The following CELF2 variants were observed in gnomAD, a reference collection of about 807,000 sequenced individuals.
The protein encoded by CELF2 is CUG triplet repeat RNA-binding protein 2.
CELF2 carries 8 observed loss-of-function variants against 62.6 expected under a neutral mutation model. The observed-to-expected ratio is 0.13, with a 90% CI of 0.07 to 0.23. The LOEUF is 0.23. Ranked by LOEUF, CELF2 falls within the 10% of genes least tolerant of loss-of-function variation. The probability of loss-of-function intolerance (pLI) is 1.00; values close to 1 mark genes in which losing one functional copy is unlikely to be tolerated. For missense variants in CELF2, 333 were observed against 671.0 expected (o/e 0.50, Z 5.56); for synonymous variants, 258 against 250.0 (o/e 1.03, Z -0.30).
In CELF2 at chr10:11,244,696, C is replaced by T. The variant is rs969702827; in HGVS notation, c.355-4457C>T. Among the ~76,000 whole-genome samples, 1 of 151,808 alleles carries T rather than the reference C, an allele frequency of 6.6e-6. No individual in the cohort carries two copies. Among genetic ancestry groups the T allele is most frequent in the Non-Finnish European group, 1.5e-5 (1 of 67,916 alleles). On this transcript the variant is annotated intron_variant, in intron 3 of 12. Coordinates refer to ENST00000633077, the MANE Select transcript of CELF2 (RefSeq NM_001326342.2). This position sits in a 1 kb window ranked among gnomAD's most constrained non-coding sequence, Gnocchi z 4.2. ...ACAGCATAAAAACAACAACAACTTC[C>T]GTTGCTTCCTCTGTTGGTTAGGATA... is the stretch of plus-strand genomic sequence containing the variant.
chr10:11,165,381 T>G lies in CELF2; in HGVS notation c.75-105T>G. On this transcript the variant is annotated intron_variant, in intron 1 of 12. Transcript: ENST00000633077. This position sits in a 1 kb window ranked among gnomAD's most constrained non-coding sequence, Gnocchi z 7.4. ...CTCATTAGGCACTTTGCCACTGCTC[T>G]TCTTCCTCCTCCTTCCGCCTCCCCG... 6.6e-7 allele frequency: 1 copy of G among 1,524,938 alleles called. No individual in the cohort carries two copies. Among genetic ancestry groups the G allele is most frequent in the Non-Finnish European group, 8.8e-7 (1 of 1,138,494 alleles). The allele number at this position is 1,524,938 out of a possible 1,614,324, so 94.5% of individuals were successfully genotyped here.
At chr10:10,591,294 TTAAAGGTGTAACAGTGTA>T in the CELF2 span, among the ~76,000 whole-genome samples, 2 of 152,302 alleles carry the variant, frequency 1.3e-5, no homozygotes, top group East Asian at 3.9e-4. Flanking sequence ...AATGGGATGG[TTAAAGGTGTAACAGTGTA>T]TCCACTCTAT....
chr10:10,622,412 C>G, the CELF2 span, among the ~76,000 whole-genome samples: 1 of 151,834 alleles, frequency 6.6e-6, no homozygotes, highest in Non-Finnish European at 1.5e-5. Context: ...AGTTCAAGAC[C>G]AGCCTGGGTA....
At chr10:10,534,214 T>TAAA in the CELF2 span, among the ~76,000 whole-genome samples, 2,145 of 134,264 alleles carry the variant, frequency 0.016, 44 homozygotes, top group African/African-American at 0.049. Flanking sequence ...GAGGAGTTGT[T>TAAA]AAAAAAAAAA....
intron 1 of CELF2, among the ~76,000 whole-genome samples, chr10:10,820,708 C>A (rs1331136870): frequency 2.0e-5 from 3 of 152,206 alleles, no homozygotes; most frequent in African/African-American, 7.2e-5. Context: ...GTTACTCACA[C>A]TGAGATCAGA....
chr10:11,208,304 C>T (rs975917003), intron 2 of CELF2, among the ~76,000 whole-genome samples: 10 of 152,082 alleles, frequency 6.6e-5, no homozygotes, highest in Admixed American at 3.3e-4. Flanking sequence ...AGAAAAGGCA[C>T]GCAGGTTGAT....
At chr10:10,708,485 T>C in the CELF2 span, among the ~76,000 whole-genome samples, 1 of 152,282 alleles carries the variant, frequency 6.6e-6, no homozygotes, top group East Asian at 1.9e-4. Context: ...GCTTGGCATA[T>C]ATAAAATACC....
chr10:11,156,877 G>C lies in CELF2; in HGVS notation c.75-8609G>C, dbSNP rs2064550860. Among the ~76,000 whole-genome samples the C allele has an allele frequency of 6.6e-6, 1 of 152,206 alleles. No individual in the cohort carries two copies. The highest frequency in any genetic ancestry group is 6.5e-5 in the Admixed American group (1 of 15,274). ...TTGAGCCAGTATGAAAGACAGGGAAGATGAGCCTAAAAGCTGATTGGAGGA... is the reference window on the plus strand; with the variant it reads ...TTGAGCCAGTATGAAAGACAGGGAACATGAGCCTAAAAGCTGATTGGAGGA... On this transcript the variant is annotated intron_variant, in intron 1 of 12. Transcript: ENST00000633077. The surrounding 1 kb of genome is among the most constrained non-coding windows in gnomAD (Gnocchi z 4.3).
the CELF2 span, among the ~76,000 whole-genome samples, chr10:10,541,532 A>G: frequency 3.9e-5 from 6 of 152,268 alleles, no homozygotes; most frequent in African/African-American, 7.2e-5. Context: ...TGGGTTATTC[A>G]TAAGTTTTCC....
intron 1 of CELF2, among the ~76,000 whole-genome samples, chr10:11,038,262 A>G (rs1386452777): frequency 6.6e-6 from 1 of 152,110 alleles, no homozygotes; most frequent in African/African-American, 2.4e-5. Flanking sequence ...CTTTTTTTCC[A>G]TCTGTAGCCT....
chr10:10,918,960 A>G (rs10490950), intron 1 of CELF2, among the ~76,000 whole-genome samples: 6,966 of 152,224 alleles, frequency 0.046, 534 homozygotes, highest in African/African-American at 0.16. Context: ...CGTTCCAAGA[A>G]TACATTTCTG....
intron 1 of CELF2, among the ~76,000 whole-genome samples, chr10:11,059,958 A>G (rs1287103333): frequency 6.6e-6 from 1 of 152,240 alleles, no homozygotes; most frequent in Non-Finnish European, 1.5e-5. Flanking sequence ...AAGCCGTTGA[A>G]TTGGTCATAG....
intron 1 of CELF2, among the ~76,000 whole-genome samples, chr10:10,902,208 C>T (rs1297616686): frequency 6.6e-6 from 1 of 152,142 alleles, no homozygotes; most frequent in East Asian, 1.9e-4. Flanking sequence ...TACACATCTA[C>T]CATTTGATAC....
chr10:10,499,000 C>T, the CELF2 span, among the ~76,000 whole-genome samples: 1 of 151,964 alleles, frequency 6.6e-6, no homozygotes, highest in Non-Finnish European at 1.5e-5. Context: ...TGCATGGTCC[C>T]TGCCTGGCTC....
At chr10:10,930,125 G>A (rs1380538470) in intron 2 of CELF2, among the ~76,000 whole-genome samples, 1 of 152,188 alleles carries the variant, frequency 6.6e-6, no homozygotes. Flanking sequence ...GTTCTGATGT[G>A]TAGCAGACTA....
At chr10:11,196,670 A>G (rs982501076) in intron 2 of CELF2, among the ~76,000 whole-genome samples, 4 of 145,596 alleles carry the variant, frequency 2.7e-5, no homozygotes, top group East Asian at 4.1e-4. Context: ...AAACAAAACA[A>G]AACAGAACCG....
chr10:10,767,697 G>A, the CELF2 span, among the ~76,000 whole-genome samples: 69 of 152,130 alleles, frequency 4.5e-4, no homozygotes, highest in African/African-American at 1.5e-3. Context: ...GGAAGTAAGC[G>A]GTAAAAATAT....
the CELF2 span, among the ~76,000 whole-genome samples, chr10:10,574,222 G>T: frequency 6.6e-6 from 1 of 152,132 alleles, no homozygotes; most frequent in African/African-American, 2.4e-5. Context: ...TATCCCACAG[G>T]CACTGCAGAC....
chr10:10,882,827 T>G (rs564689405), intron 1 of CELF2, among the ~76,000 whole-genome samples: 1 of 152,328 alleles, frequency 6.6e-6, no homozygotes, highest in South Asian at 2.1e-4. Context: ...AAGTTCTGGG[T>G]GCACTGCTAA....
Sources: gnomAD v4.1 joint callset for allele counts (sites outside exome capture counted in the v4.1 genomes callset) on GRCh38, gnomAD v4.1.1 for gene constraint, Gnocchi (gnomAD v3.1) non-coding constraint, MANE v1.5 for transcripts, NCBI Gene and HGNC (gene_info 2026-07-23, HGNC 2026-07-21) for gene names.